PRKAG3: variants seen among roughly 807,000 people sequenced by gnomAD.
PRKAG3 encodes protein kinase AMP-activated non-catalytic subunit gamma 3.
A neutral mutation model predicts 56.5 loss-of-function variants in PRKAG3; 39 were observed. The ratio of observed to expected loss-of-function variants is 0.69; its 90% CI spans 0.53 to 0.90. The LOEUF (loss-of-function observed/expected upper bound fraction) is 0.90. PRKAG3 is among the 40% of genes least tolerant of loss of function. The probability of loss-of-function intolerance (pLI) is 0.00; values close to 1 mark genes in which losing one functional copy is unlikely to be tolerated. For missense variants in PRKAG3, 628 were observed against 627.5 expected (o/e 1.00, Z -0.01); for synonymous variants, 243 against 250.1 (o/e 0.97, Z 0.27).
chr2:218,830,668 G>A, intron 3 of PRKAG3, 78 bp downstream of exon 3: 2 of 1,522,508 alleles, frequency 1.3e-6, no homozygotes, highest in Non-Finnish European at 8.9e-7. Context: ...GGGACCTGAG[G>A]TAGAGACCAG....
chr2:218,825,867 C>A (rs1303387684), intron 10 of PRKAG3, among the ~76,000 whole-genome samples: 9 of 151,738 alleles, frequency 5.9e-5, no homozygotes, highest in Middle Eastern at 3.4e-3. Context: ...ACCGATTCTC[C>A]TACCTCAGCC....
chr2:218,823,723 A>T (rs372998309), exon 13 of PRKAG3: 1 of 1,612,788 alleles, frequency 6.2e-7, no homozygotes, highest in African/African-American at 1.3e-5. Context: ...ATTGGCTTCC[A>T]GGTGTGCAGG....
At chr2:218,824,141 G>A (rs565277873) in intron 12 of PRKAG3, 81 bp downstream of exon 12, 45 of 1,605,080 alleles carry the variant, frequency 2.8e-5, no homozygotes, top group East Asian at 1.8e-4. Context: ...CCAGGTGCCC[G>A]ATGTTCAGGG....
chr2:218,823,300 T>C (rs1302201757), downstream of PRKAG3: 1 of 237,228 alleles, frequency 4.2e-6, no homozygotes, highest in African/African-American at 2.3e-5. Flanking sequence ...TTACTGGGGA[T>C]GGAAATTCCA....
At chr2:218,824,678 G>C in intron 10 of PRKAG3, 102 bp from the exon 11 acceptor site, 1 of 1,055,660 alleles carries the variant, frequency 9.5e-7, no homozygotes, top group East Asian at 2.4e-5. Context: ...TTGCATCAGG[G>C]TGCCACTACC....
exon 5 of PRKAG3, chr2:218,828,599 A>G (rs1337280468): frequency 1.2e-6 from 2 of 1,612,752 alleles, no homozygotes; most frequent in East Asian, 2.2e-5. Context: ...GGCCTTCTTG[A>G]TCTGAGGGGC....
chr2:218,831,638 A>G, intron 1 of PRKAG3, 100 bp downstream of exon 1: 3 of 1,456,446 alleles, frequency 2.1e-6, no homozygotes, highest in South Asian at 2.4e-5. Context: ...GACCAAACAC[A>G]CACCAGAAGA....
rs1943959387 is a variant in PRKAG3 at position 218,827,905 on chromosome 2, G to A, written c.775-27C>T. 1.2e-6 allele frequency: 2 copies of A among 1,613,642 alleles called. No individual in the cohort carries two copies. The highest frequency in any genetic ancestry group is 1.3e-5 in the African/African-American group (1 of 74,880). On this transcript the variant is annotated intron_variant, in intron 6 of 12. Transcript: ENST00000529249. This position sits in a 1 kb window ranked among gnomAD's most constrained non-coding sequence, Gnocchi z 5.3. ...TAGAGACATCGACAGGACTCCAGAAGTCAGAAAGACGTGGGCTTCTAGGGC... is the reference window on the plus strand; with the variant it reads ...TAGAGACATCGACAGGACTCCAGAAATCAGAAAGACGTGGGCTTCTAGGGC...
intron 3 of PRKAG3, 86 bp downstream of exon 3, chr2:218,830,660 G>A (rs1944007668): frequency 2.0e-6 from 3 of 1,480,364 alleles, no homozygotes; most frequent in Admixed American, 2.0e-5. Flanking sequence ...GTTATGGAGG[G>A]ACCTGAGGTA....
exon 4 of PRKAG3, chr2:218,830,130 G>A: frequency 1.9e-6 from 3 of 1,613,694 alleles, no homozygotes; most frequent in Non-Finnish European, 2.5e-6. Flanking sequence ...TGCGGGGACA[G>A]GCACAGGGCA....
In PRKAG3 at chr2:218,823,859, A is replaced by G. The variant is rs145311492; in HGVS notation, c.1373T>C (p.Val458Ala). Residue 458 changes from valine (V) to alanine (A), a missense_variant, in exon 13 of 13, where the codon GTG becomes GCG. Transcript: ENST00000529249. ...GCCCAAGAGATGCTGGGTCTCGTCC[A>G]CTAGCACCAGCCTGTGTACCTGTGG... The G allele has an allele frequency of 1.4e-5, 23 of 1,613,964 alleles. No individual in the cohort carries two copies. Among genetic ancestry groups the G allele is most frequent in the Non-Finnish European group, 1.7e-5 (20 of 1,180,026 alleles).
chr2:218,827,893 A>G lies in PRKAG3; in HGVS notation c.775-15T>C. ...TAGATCTGGACCTAGAGACATCGAC[A>G]GGACTCCAGAAGTCAGAAAGACGTG... On this transcript the variant is annotated splice_polypyrimidine_tract_variant and intron_variant, in intron 6 of 12. Coordinates refer to ENST00000529249, the Ensembl canonical transcript of PRKAG3. This position sits in a 1 kb window ranked among gnomAD's most constrained non-coding sequence, Gnocchi z 5.3. 6.2e-7 allele frequency: 1 copy of G among 1,614,026 alleles called. No individual in the cohort carries two copies.
chr2:218,824,675 A>G (rs2105985792), intron 10 of PRKAG3, 99 bp from the exon 11 acceptor site: 2 of 1,077,194 alleles, frequency 1.9e-6, no homozygotes, highest in South Asian at 2.5e-5. Context: ...TATTTGCATC[A>G]GGGTGCCACT....
exon 12 of PRKAG3, chr2:218,824,345 G>A: frequency 6.2e-7 from 1 of 1,614,118 alleles, no homozygotes; most frequent in East Asian, 2.2e-5. Flanking sequence ...CCAGGTGGTT[G>A]TAGGTTTGCT....
chr2:218,830,451 A>C, intron 3 of PRKAG3, 70 bp from the exon 4 acceptor site: 1 of 1,532,498 alleles, frequency 6.5e-7, no homozygotes, highest in Non-Finnish European at 8.9e-7. Context: ...TGCTGTCGCC[A>C]TTCATCTCAC....
At chr2:218,825,580 A>T (rs1257049196) in intron 10 of PRKAG3, among the ~76,000 whole-genome samples, 2 of 141,522 alleles carry the variant, frequency 1.4e-5, no homozygotes, top group Non-Finnish European at 3.0e-5. Context: ...CTCGGGAGGC[A>T]GAGGTTGCAG....
chr2:218,828,112 G>T lies in PRKAG3; in HGVS notation c.716-50C>A, dbSNP rs756725922. On this transcript the variant is annotated intron_variant, in intron 5 of 12. Coordinates refer to ENST00000529249, the Ensembl canonical transcript of PRKAG3. ...TCAGCCCGGGGCCTTTGGGTGGAAG[G>T]CAGGTTGAGGGTCAGATCCCCTCCC... 3.3e-6 allele frequency: 5 copies of T among 1,494,812 alleles called. No individual in the cohort carries two copies. In the South Asian group the frequency reaches 6.0e-5, roughly 18 times the overall value. 92.6% of individuals were successfully genotyped at this position (1,494,812 alleles called of 1,614,324 possible). A position where few individuals can be genotyped will look rare whatever the true frequency, so the allele number is the denominator to read the frequency against.
intron 10 of PRKAG3, 95 bp downstream of exon 10, chr2:218,826,833 G>T: frequency 1.3e-6 from 2 of 1,517,418 alleles, no homozygotes; most frequent in Non-Finnish European, 1.8e-6. Context: ...CCCCCCACAG[G>T]GATGGCATGA....
chr2:218,831,203 A>C (rs1177361392), intron 2 of PRKAG3, 133 bp downstream of exon 2: 3 of 755,438 alleles, frequency 4.0e-6, no homozygotes, highest in Non-Finnish European at 4.3e-6. Flanking sequence ...GGAAAGGAGG[A>C]AGAACAATGA....
Sources: gnomAD v4.1 joint callset for allele counts (sites outside exome capture counted in the v4.1 genomes callset) on GRCh38, gnomAD v4.1.1 for gene constraint, Gnocchi (gnomAD v3.1) non-coding constraint, MANE v1.5 for transcripts, NCBI Gene and HGNC (gene_info 2026-07-23, HGNC 2026-07-21) for gene names.